Variants in CNTNAP2 observed in about 807,000 individuals in gnomAD.
CNTNAP2 encodes the protein contactin-associated protein-like 2.
Under a neutral mutation model 155.2 loss-of-function variants are expected in CNTNAP2, and 98 were observed. The ratio of observed to expected loss-of-function variants is 0.63; its 90% confidence interval spans 0.54 to 0.75. The LOEUF is 0.75. Ranked by LOEUF, CNTNAP2 falls within the 30% of genes least tolerant of loss-of-function variation. The probability of loss-of-function intolerance (pLI) is 0.00; values close to 1 mark genes in which losing one functional copy is unlikely to be tolerated. For missense variants in CNTNAP2, 1,727 were observed against 1,688.1 expected (o/e 1.02, Z -0.40); for synonymous variants, 651 against 631.2 (o/e 1.03, Z -0.47).
rs113690836 is a variant in CNTNAP2, at chr7:148,317,355, C to CAA, written c.3475+50240_3475+50241dup. ...GGGCAACAAGAATGAAACTCCATCT[C>CAA]AAAAAAAAAAAATTCATGGTATTAT... On this transcript the variant is annotated intron_variant, in intron 21 of 23. Coordinates refer to ENST00000361727, the MANE Select transcript of CNTNAP2 (RefSeq NM_014141.6). Among the ~76,000 whole-genome samples, 224 of 146,694 alleles carry CAA rather than the reference C, an allele frequency of 1.5e-3. 1 individual carries two copies. Among genetic ancestry groups the CAA allele is most frequent in the South Asian group, 3.5e-3 (16 of 4,636 alleles).
intron 3 of CNTNAP2, among the ~76,000 whole-genome samples, chr7:146,952,984 G>A (rs1365800787): frequency 1.3e-5 from 2 of 152,026 alleles, no homozygotes; most frequent in Non-Finnish European, 2.9e-5. Flanking sequence ...GATGATAGTT[G>A]ATCTGTGTTC....
intron 1 of CNTNAP2, among the ~76,000 whole-genome samples, chr7:146,638,472 G>GTTTTTTTTTTTTTTTTTTTTTTTTTTT (rs1554460106): frequency 1.0e-5 from 1 of 100,106 alleles, no homozygotes. Context: ...ACAGTCAGGT[G>GTTTTTTTTTTTTTTTTTTTTTTTTTTT]TTTCTTTTTT....
At chr7:146,167,550 A>C (rs990895062) in intron 1 of CNTNAP2, among the ~76,000 whole-genome samples, 2 of 152,212 alleles carry the variant, frequency 1.3e-5, no homozygotes, top group African/African-American at 4.8e-5. Context: ...GAATCTAAAA[A>C]TGTGTGGTTC....
intron 13 of CNTNAP2, among the ~76,000 whole-genome samples, chr7:147,858,379 G>A (rs1238537918): frequency 1.3e-5 from 2 of 152,188 alleles, no homozygotes; most frequent in African/African-American, 4.8e-5. Context: ...AAGCCACTGC[G>A]CCCGGCCTAA....
At chr7:146,364,952 C>T (rs1372500878) in intron 1 of CNTNAP2, among the ~76,000 whole-genome samples, 1 of 151,186 alleles carries the variant, frequency 6.6e-6, no homozygotes. Flanking sequence ...TTTTAATCTT[C>T]AATTTTTTTC....
chr7:147,912,546 A>G (rs1563132849), intron 14 of CNTNAP2, among the ~76,000 whole-genome samples: 1 of 152,172 alleles, frequency 6.6e-6, no homozygotes, highest in Non-Finnish European at 1.5e-5. Context: ...GCAAGACTTG[A>G]CAAGGATTGG....
intron 13 of CNTNAP2, among the ~76,000 whole-genome samples, chr7:147,902,778 T>TTGTGTGTGTGTGTGTGTGTG (rs564991239): frequency 1.5e-5 from 2 of 136,724 alleles, no homozygotes; most frequent in East Asian, 2.1e-4. Flanking sequence ...TCATATATGT[T>TTGTGTGTGTGTGTGTGTGTG]TGTGTGTGTG....
intron 1 of CNTNAP2, among the ~76,000 whole-genome samples, chr7:146,684,852 G>T (rs769099198): frequency 1.3e-5 from 2 of 152,046 alleles, no homozygotes; most frequent in Non-Finnish European, 2.9e-5. Context: ...CATGAATGGT[G>T]CTCCGTGACC....
At chr7:147,185,560 G>T (rs1015554950) in intron 8 of CNTNAP2, among the ~76,000 whole-genome samples, 2 of 152,104 alleles carry the variant, frequency 1.3e-5, no homozygotes, top group Non-Finnish European at 2.9e-5. Flanking sequence ...CCAGTGTTAA[G>T]ACTGAATTAA....
intron 1 of CNTNAP2, among the ~76,000 whole-genome samples, chr7:146,740,821 C>T (rs1801699389): frequency 6.6e-6 from 1 of 152,192 alleles, no homozygotes; most frequent in South Asian, 2.1e-4. Flanking sequence ...GAATTGCTTG[C>T]TCCTGAGGGC....
At chr7:146,242,801 C>T (rs976011628) in intron 1 of CNTNAP2, among the ~76,000 whole-genome samples, 3 of 152,098 alleles carry the variant, frequency 2.0e-5, no homozygotes, top group African/African-American at 7.2e-5. Context: ...CTACATATCA[C>T]CCTGCTTTCA....
chr7:147,949,998 C>A (rs1488953603), intron 14 of CNTNAP2, among the ~76,000 whole-genome samples: 1 of 152,100 alleles, frequency 6.6e-6, no homozygotes, highest in Non-Finnish European at 1.5e-5. Flanking sequence ...AAGCTAAATG[C>A]AAGTGACATT....
At chr7:146,609,184 C>A (rs560380086) in intron 1 of CNTNAP2, among the ~76,000 whole-genome samples, 1 of 152,290 alleles carries the variant, frequency 6.6e-6, no homozygotes, top group South Asian at 2.1e-4. Flanking sequence ...GTTAGAGTTT[C>A]ATCAAAAAGC....
At chr7:146,119,996 T>C (rs553335544) in intron 1 of CNTNAP2, among the ~76,000 whole-genome samples, 2 of 151,922 alleles carry the variant, frequency 1.3e-5, no homozygotes, top group South Asian at 4.1e-4. Flanking sequence ...TATGTAAAAA[T>C]GTGTATATTT....
chr7:146,454,439 A>G (rs535512943), intron 1 of CNTNAP2, among the ~76,000 whole-genome samples: 1 of 152,252 alleles, frequency 6.6e-6, no homozygotes, highest in Non-Finnish European at 1.5e-5. Flanking sequence ...GGTCTAGCTG[A>G]TGGTCAACTG....
At chr7:148,293,093 T>A (rs1918292) in intron 21 of CNTNAP2, among the ~76,000 whole-genome samples, 109,506 of 147,176 alleles carry the variant, frequency 0.74, 39,980 homozygotes, top group South Asian at 0.89. Flanking sequence ...TAAAATAAAA[T>A]AAATGACCAA....
At chr7:146,992,167 C>A (rs1184019286) in intron 3 of CNTNAP2, among the ~76,000 whole-genome samples, 1 of 151,866 alleles carries the variant, frequency 6.6e-6, no homozygotes, top group Non-Finnish European at 1.5e-5. Flanking sequence ...AACAGAAATC[C>A]TTTTATATGT....
intron 13 of CNTNAP2, among the ~76,000 whole-genome samples, chr7:147,754,129 A>G (rs922913971): frequency 7.9e-5 from 12 of 152,214 alleles, no homozygotes; most frequent in African/African-American, 2.9e-4. Flanking sequence ...TCCTGCAGAC[A>G]CAGGATGAGA....
intron 1 of CNTNAP2, among the ~76,000 whole-genome samples, chr7:146,352,296 C>G (rs1258403220): frequency 2.6e-5 from 4 of 152,052 alleles, no homozygotes; most frequent in Non-Finnish European, 5.9e-5. Flanking sequence ...GTTTTTAATA[C>G]TTTTAACATC....
Sources: allele counts gnomAD v4.1 joint callset (sites outside exome capture counted in the v4.1 genomes callset), GRCh38; gene constraint gnomAD v4.1.1; transcripts MANE v1.5; gene names NCBI Gene and HGNC (gene_info 2026-07-23, HGNC 2026-07-21).